MAD1L1: variants seen among roughly 807,000 people sequenced by gnomAD.
MAD1L1 encodes mitotic arrest deficient 1 like 1, also known as mitotic spindle assembly checkpoint protein MAD1.
MAD1L1 carries 95 observed loss-of-function variants against 96.9 expected under a neutral mutation model. That is an observed-to-expected ratio of 0.98 (90% CI 0.83 to 1.16). The LOEUF (loss-of-function observed/expected upper bound fraction) is 1.16, where lower values mean the gene tolerates loss of function less well. Ranked by LOEUF, MAD1L1 falls within the 50% of genes most tolerant of loss-of-function variation. The pLI is 0.00. For synonymous variants in MAD1L1, 473 were observed against 396.6 expected (o/e 1.19, Z -2.29); for missense variants, 1,007 against 954.4 (o/e 1.06, Z -0.73).
At chr7:2,224,764 C>T (rs1456311178) in intron 4 of MAD1L1, among the ~76,000 whole-genome samples, 2 of 152,172 alleles carry the variant, frequency 1.3e-5, no homozygotes, top group East Asian at 1.9e-4. Context: ...AGGGGATCCG[C>T]GCACTCAGTG....
chr7:2,185,779 AAAT>A, intron 10 of MAD1L1, among the ~76,000 whole-genome samples: 1 of 152,330 alleles, frequency 6.6e-6, no homozygotes, highest in Admixed American at 6.5e-5. Flanking sequence ...AAAAAAATCG[AAAT>A]AACAGGCGAG....
chr7:1,911,118 GC>G (rs1166900924), intron 17 of MAD1L1, among the ~76,000 whole-genome samples: 1 of 152,138 alleles, frequency 6.6e-6, no homozygotes, highest in East Asian at 1.9e-4. Flanking sequence ...CTCCTGGGCG[GC>G]CGCCTCTCCC....
At chr7:2,200,505 G>T (rs1427954637) in intron 10 of MAD1L1, 1 of 145,788 alleles carries the variant, frequency 6.9e-6, no homozygotes, top group African/African-American at 2.8e-5. Context: ...ATTCTGCCCA[G>T]GTAAGACACG....
chr7:2,018,314 G>T (rs1228079032), intron 12 of MAD1L1, among the ~76,000 whole-genome samples: 1 of 152,258 alleles, frequency 6.6e-6, no homozygotes, highest in Non-Finnish European at 1.5e-5. Flanking sequence ...TTCAAATGCA[G>T]CATGGCACAG....
At chr7:1,896,959 A>C (rs1786914044) in intron 18 of MAD1L1, among the ~76,000 whole-genome samples, 1 of 152,264 alleles carries the variant, frequency 6.6e-6, no homozygotes, top group Admixed American at 6.5e-5. Flanking sequence ...TACAAAAGCG[A>C]AGAAGTACAT....
chr7:1,913,206 A>C (rs1194992127), intron 17 of MAD1L1, among the ~76,000 whole-genome samples: 3 of 152,098 alleles, frequency 2.0e-5, no homozygotes, highest in African/African-American at 7.2e-5. Flanking sequence ...AGATAGCAGG[A>C]GACTCGGGAA....
intron 15 of MAD1L1, among the ~76,000 whole-genome samples, chr7:1,974,683 T>C (rs1780551433): frequency 6.6e-6 from 1 of 152,092 alleles, no homozygotes; most frequent in Non-Finnish European, 1.5e-5. Context: ...AAGTAACAGT[T>C]TCAGAAAGAA....
intron 13 of MAD1L1, among the ~76,000 whole-genome samples, chr7:2,008,946 A>C (rs1000556944): frequency 2.0e-5 from 3 of 152,172 alleles, no homozygotes; most frequent in African/African-American, 4.8e-5. Flanking sequence ...GGGAGCACTG[A>C]GGGGTGCGGA....
intron 17 of MAD1L1, among the ~76,000 whole-genome samples, chr7:1,924,484 T>C (rs879905715): frequency 1.3e-5 from 2 of 152,220 alleles, no homozygotes; most frequent in Non-Finnish European, 2.9e-5. Flanking sequence ...ACAGTGTCGA[T>C]TTTTAAAGTG....
intron 11 of MAD1L1, among the ~76,000 whole-genome samples, chr7:2,096,289 T>A (rs1786485948): frequency 6.6e-6 from 1 of 152,150 alleles, no homozygotes; most frequent in Non-Finnish European, 1.5e-5. Flanking sequence ...CAGGGAGAAC[T>A]CACACAAAGA....
At chr7:1,862,335 CCA>C (rs577145540) in intron 18 of MAD1L1, among the ~76,000 whole-genome samples, 23 of 152,350 alleles carry the variant, frequency 1.5e-4, no homozygotes, top group Admixed American at 8.5e-4. Context: ...GCAGAAGCAG[CCA>C]CAGTTTGAAC....
chr7:1,893,387 G>A (rs1015337546), intron 18 of MAD1L1, among the ~76,000 whole-genome samples: 1 of 152,210 alleles, frequency 6.6e-6, no homozygotes, highest in Admixed American at 6.5e-5. Flanking sequence ...AAACGGCTTC[G>A]GCTATTTCTA....
At chr7:1,989,821 A>G (rs2128488523) in intron 14 of MAD1L1, among the ~76,000 whole-genome samples, 1 of 152,354 alleles carries the variant, frequency 6.6e-6, no homozygotes, top group South Asian at 2.1e-4. Flanking sequence ...TCTGCCTACA[A>G]GGTCCCTCCC....
At chr7:1,946,097 G>A (rs1481525441) in intron 16 of MAD1L1, among the ~76,000 whole-genome samples, 3 of 152,182 alleles carry the variant, frequency 2.0e-5, no homozygotes, top group Non-Finnish European at 2.9e-5. Context: ...GATGTGGGGT[G>A]GGCTCTGCAG....
intron 15 of MAD1L1, among the ~76,000 whole-genome samples, chr7:1,964,711 G>A (rs1168786216): frequency 1.3e-5 from 2 of 152,252 alleles, no homozygotes; most frequent in East Asian, 1.9e-4. Flanking sequence ...CAAAGCAGGT[G>A]CCTGTCTCCG....
chr7:1,980,712 C>T, intron 14 of MAD1L1, 171 bp from the exon 15 acceptor site: 1 of 708,096 alleles, frequency 1.4e-6, no homozygotes, highest in Non-Finnish European at 2.6e-6. Flanking sequence ...AGACAGCACT[C>T]TAACTTTGCA....
At chr7:1,993,708 C>A (rs1350683086) in intron 14 of MAD1L1, among the ~76,000 whole-genome samples, 2 of 152,228 alleles carry the variant, frequency 1.3e-5, no homozygotes, top group African/African-American at 4.8e-5. Context: ...ATGATCCTTA[C>A]AAGGTAACGA....
intron 11 of MAD1L1, among the ~76,000 whole-genome samples, chr7:2,131,139 A>C (rs1480873648): frequency 2.0e-5 from 3 of 152,170 alleles, no homozygotes; most frequent in Admixed American, 2.0e-4. Flanking sequence ...GAGCTCCTTC[A>C]AGAGATGGAT....
At chr7:1,986,676 C>T (rs913356216) in intron 14 of MAD1L1, among the ~76,000 whole-genome samples, 1 of 152,162 alleles carries the variant, frequency 6.6e-6, no homozygotes, top group African/African-American at 2.4e-5. Context: ...CTGCCTGGGG[C>T]TTGGTTTGCA....
Sources: allele counts gnomAD v4.1 joint callset (sites outside exome capture counted in the v4.1 genomes callset), GRCh38; gene constraint gnomAD v4.1.1; transcripts MANE v1.5; gene names NCBI Gene and HGNC (gene_info 2026-07-23, HGNC 2026-07-21).